The following ZFAND3 variants were observed in gnomAD, a reference collection of about 807,000 sequenced individuals.
ZFAND3 encodes AN1-type zinc finger protein 3.
In ZFAND3, 10 loss-of-function variants were observed where a neutral mutation model predicts 29.6. The observed-to-expected ratio is 0.34, with a 90% CI of 0.21 to 0.57. ZFAND3 has a LOEUF of 0.57. ZFAND3 is among the 20% of genes least tolerant of loss of function. ZFAND3 has a pLI of 0.86. For synonymous variants in ZFAND3, 128 were observed against 112.6 expected, an observed-to-expected ratio of 1.14 and a Z score of -0.87; for missense variants, 230 against 304.5, an observed-to-expected ratio of 0.76 and a Z score of 1.82.
intron 2 of ZFAND3, among the ~76,000 whole-genome samples, chr6:37,948,787 G>C (rs139416461): frequency 1.3e-5 from 2 of 152,134 alleles, no homozygotes; most frequent in African/African-American, 4.8e-5. Flanking sequence ...ACATGATCTT[G>C]TTCTTTTTTA....
intron 2 of ZFAND3, among the ~76,000 whole-genome samples, chr6:37,991,482 A>G (rs1762758116): frequency 6.6e-6 from 1 of 151,868 alleles, no homozygotes; most frequent in Non-Finnish European, 1.5e-5. Flanking sequence ...CCTCCCGAGT[A>G]GCTGGGATTA....
intron 1 of ZFAND3, among the ~76,000 whole-genome samples, chr6:37,862,330 T>C (rs1350783305): frequency 6.6e-6 from 1 of 151,998 alleles, no homozygotes; most frequent in Non-Finnish European, 1.5e-5. Context: ...TCTTAAAACT[T>C]GATTCATGTA....
chr6:38,121,661 A>C (rs1443237801), intron 5 of ZFAND3, among the ~76,000 whole-genome samples: 1 of 152,182 alleles, frequency 6.6e-6, no homozygotes, highest in African/African-American at 2.4e-5. Flanking sequence ...ATTTCTTCAT[A>C]ATTAGATTCA....
In ZFAND3 at chr6:37,819,917, G is replaced by A; in HGVS notation, c.-29G>A. On this transcript the variant is annotated 5_prime_UTR_variant, in exon 1 of 6. Coordinates refer to ENST00000287218, the MANE Select transcript of ZFAND3 (RefSeq NM_021943.3). ...GGGCCCAGCCGCCGCCACCGCTGCC[G>A]CCGCCGAGCTCCGCCGCCGCCGAGC... 1 of 1,200,938 alleles carries A rather than the reference G, an allele frequency of 8.3e-7. No individual in the cohort carries two copies. The highest frequency in any genetic ancestry group is 1.0e-6 in the Non-Finnish European group (1 of 969,446). 74.4% of individuals were successfully genotyped at this position (1,200,938 alleles called of 1,614,324 possible). A position where few individuals can be genotyped will look rare whatever the true frequency, so the allele number is the denominator to read the frequency against.
intron 2 of ZFAND3, among the ~76,000 whole-genome samples, chr6:37,983,016 A>G (rs143902090): frequency 6.6e-6 from 1 of 152,378 alleles, no homozygotes; most frequent in East Asian, 1.9e-4. Context: ...AAAATAGACA[A>G]AAGCATATAG....
At chr6:37,993,135 C>CA (rs1762788541) in intron 2 of ZFAND3, among the ~76,000 whole-genome samples, 1 of 151,850 alleles carries the variant, frequency 6.6e-6, no homozygotes, top group Non-Finnish European at 1.5e-5. Context: ...AGTTCAATCT[C>CA]ACGTTTGGAT....
intron 1 of ZFAND3, among the ~76,000 whole-genome samples, chr6:37,855,643 G>C (rs1160678745): frequency 6.6e-6 from 1 of 152,136 alleles, no homozygotes; most frequent in Non-Finnish European, 1.5e-5. Flanking sequence ...AATTTGAAGA[G>C]AGGAGTGAGT....
intron 1 of ZFAND3, among the ~76,000 whole-genome samples, chr6:37,858,519 T>C (rs1764423847): frequency 6.6e-6 from 1 of 152,230 alleles, no homozygotes; most frequent in Admixed American, 6.5e-5. Flanking sequence ...GAGGATGGCT[T>C]CTGGCAGTGG....
chr6:38,117,518 A>G (rs1042592222), intron 5 of ZFAND3, among the ~76,000 whole-genome samples: 3 of 152,192 alleles, frequency 2.0e-5, no homozygotes, highest in South Asian at 2.1e-4. Flanking sequence ...ATTGTGTAGC[A>G]GCATTATTTT....
intron 2 of ZFAND3, among the ~76,000 whole-genome samples, chr6:37,997,264 G>C (rs1043401417): frequency 6.6e-6 from 1 of 152,134 alleles, no homozygotes; most frequent in Non-Finnish European, 1.5e-5. Flanking sequence ...GTGCTTTAAC[G>C]TATCAGTCTT....
chr6:37,877,069 G>C (rs985046149), intron 1 of ZFAND3, among the ~76,000 whole-genome samples: 6 of 152,158 alleles, frequency 3.9e-5, no homozygotes, highest in African/African-American at 9.7e-5. Flanking sequence ...AGGAGGGCTG[G>C]AGGGTTTTGT....
At chr6:38,049,035 T>C (rs1470524225) in intron 2 of ZFAND3, among the ~76,000 whole-genome samples, 1 of 152,214 alleles carries the variant, frequency 6.6e-6, no homozygotes, top group Non-Finnish European at 1.5e-5. Flanking sequence ...TGAAATCACA[T>C]GCCTTTAGGT....
At chr6:37,923,635 C>T (rs1266769569) in intron 1 of ZFAND3, among the ~76,000 whole-genome samples, 1 of 152,148 alleles carries the variant, frequency 6.6e-6, no homozygotes, top group Non-Finnish European at 1.5e-5. Flanking sequence ...CTATACATAA[C>T]TGTATGTGCT....
At chr6:37,935,557 T>G (rs1761683267) in intron 2 of ZFAND3, among the ~76,000 whole-genome samples, 1 of 152,200 alleles carries the variant, frequency 6.6e-6, no homozygotes, top group East Asian at 1.9e-4. Flanking sequence ...ATGATTAGTA[T>G]TTAAAAAATT....
chr6:38,049,961 T>TTTA (rs763877563), intron 2 of ZFAND3, among the ~76,000 whole-genome samples: 57 of 25,024 alleles, frequency 2.3e-3, no homozygotes, highest in African/African-American at 6.5e-3. Flanking sequence ...TTTTTTTTTT[T>TTTA]TTTTTTTGGG....
intron 2 of ZFAND3, among the ~76,000 whole-genome samples, chr6:38,032,052 C>G (rs1483118946): frequency 2.6e-5 from 4 of 152,138 alleles, no homozygotes; most frequent in South Asian, 4.2e-4. Context: ...AGGCTGGTCT[C>G]TAACTCCTGT....
intron 1 of ZFAND3, among the ~76,000 whole-genome samples, chr6:37,841,014 C>G (rs1411838449): frequency 6.6e-6 from 1 of 152,294 alleles, no homozygotes; most frequent in African/African-American, 2.4e-5. Flanking sequence ...TTGTCTCAGA[C>G]TGGAAGTTCC....
chr6:37,934,890 A>G (rs1761670764), intron 2 of ZFAND3, among the ~76,000 whole-genome samples: 1 of 149,150 alleles, frequency 6.7e-6, no homozygotes, highest in Non-Finnish European at 1.5e-5. Flanking sequence ...ACCATACTAT[A>G]TTCTCTCCAT....
chr6:38,025,881 A>G (rs1029525519), intron 2 of ZFAND3, among the ~76,000 whole-genome samples: 1 of 152,214 alleles, frequency 6.6e-6, no homozygotes, highest in African/African-American at 2.4e-5. Context: ...TTGTCTGGAA[A>G]GTCGGAAGGG....
Sources: allele counts gnomAD v4.1 joint callset (sites outside exome capture counted in the v4.1 genomes callset), GRCh38; gene constraint gnomAD v4.1.1; transcripts MANE v1.5; gene names NCBI Gene and HGNC (gene_info 2026-07-23, HGNC 2026-07-21).